RSU1: variants seen among roughly 807,000 people sequenced by gnomAD.
The protein encoded by RSU1 is Ras suppressor protein 1.
RSU1 carries 26 observed loss-of-function variants against 31.1 expected under a neutral mutation model. The ratio of observed to expected loss-of-function variants is 0.84; its 90% confidence interval spans 0.61 to 1.16. The LOEUF (loss-of-function observed/expected upper bound fraction) is 1.16. Among genes scored for constraint, RSU1 ranks in the 50% most tolerant of loss-of-function variants. The pLI, the probability that RSU1 is intolerant of heterozygous loss-of-function variation, is 0.00. For synonymous variants in RSU1, 164 were observed against 136.3 expected (o/e 1.20, Z -1.41); for missense variants, 320 against 339.1 (o/e 0.94, Z 0.44).
At chr10:16,773,875 T>C (rs930553474) in intron 3 of RSU1, among the ~76,000 whole-genome samples, 2 of 149,872 alleles carry the variant, frequency 1.3e-5, no homozygotes, top group African/African-American at 4.9e-5. Context: ...GGTAGGAACA[T>C]CAGTTTTTTT....
chr10:16,808,623 G>A (rs556258263), intron 2 of RSU1, among the ~76,000 whole-genome samples: 1 of 152,152 alleles, frequency 6.6e-6, no homozygotes, highest in South Asian at 2.1e-4. Flanking sequence ...AAAGAGGGAT[G>A]TTATGAGTGT....
intron 8 of RSU1, among the ~76,000 whole-genome samples, chr10:16,594,704 G>A (rs1488554036): frequency 7.0e-6 from 1 of 143,534 alleles, no homozygotes; most frequent in African/African-American, 2.6e-5. Context: ...ATGTATCATA[G>A]ATAATATATG....
At chr10:16,779,454 C>G (rs765674123) in intron 3 of RSU1, among the ~76,000 whole-genome samples, 23 of 152,132 alleles carry the variant, frequency 1.5e-4, no homozygotes, top group Non-Finnish European at 2.9e-4. Context: ...TTCAATAACC[C>G]TGTAGATCTT....
At chr10:16,804,258 C>T (rs751608062) in intron 2 of RSU1, among the ~76,000 whole-genome samples, 10 of 152,106 alleles carry the variant, frequency 6.6e-5, no homozygotes, top group African/African-American at 2.4e-4. Context: ...CAAATGGAAA[C>T]AATGAGATAC....
chr10:16,727,395 C>G (rs1339112620), intron 7 of RSU1, among the ~76,000 whole-genome samples: 1 of 151,978 alleles, frequency 6.6e-6, no homozygotes, highest in African/African-American at 2.4e-5. Flanking sequence ...CAGTGAAGGC[C>G]AATTAAAGTT....
intron 3 of RSU1, among the ~76,000 whole-genome samples, chr10:16,779,856 A>T (rs958105057): frequency 6.6e-6 from 1 of 152,232 alleles, no homozygotes; most frequent in African/African-American, 2.4e-5. Context: ...CCAGAAAAAT[A>T]GTAAAGGATG....
chr10:16,741,156 A>G (rs888601538), intron 7 of RSU1, among the ~76,000 whole-genome samples: 1 of 152,228 alleles, frequency 6.6e-6, no homozygotes, highest in Non-Finnish European at 1.5e-5. Context: ...AAATAAAACT[A>G]TATATCTGCT....
rs537607667 is a variant in RSU1 at position 16,746,375 on chromosome 10, C to T, written c.598+6164G>A. Among the ~76,000 whole-genome samples the T allele has an allele frequency of 1.8e-4, 27 of 152,222 alleles. 1 individual carries two copies. Among genetic ancestry groups the T allele is most frequent in the African/African-American group, 3.1e-4 (13 of 41,538 alleles). ...TATAGCACTTTGTTTTGTTGCATGC[C>T]GAGCAGACCAATGTGATTTTTTTTC... On this transcript the variant is annotated intron_variant, in intron 7 of 8. Transcript: ENST00000345264.
At chr10:16,691,430 T>C (rs1044811729) in intron 8 of RSU1, among the ~76,000 whole-genome samples, 7 of 150,854 alleles carry the variant, frequency 4.6e-5, no homozygotes, top group Non-Finnish European at 1.0e-4. Flanking sequence ...TCTTATCAGC[T>C]AACAGTCCAT....
intron 8 of RSU1, among the ~76,000 whole-genome samples, chr10:16,648,132 A>AT (rs1554763091): frequency 6.3e-4 from 84 of 133,526 alleles, no homozygotes; most frequent in East Asian, 4.0e-3. Flanking sequence ...AAAAAAAAAA[A>AT]TTTTTTTTTT....
intron 7 of RSU1, among the ~76,000 whole-genome samples, chr10:16,725,708 G>C (rs1213839474): frequency 1.3e-5 from 2 of 151,224 alleles, no homozygotes; most frequent in South Asian, 2.1e-4. Flanking sequence ...CCAGAAAACT[G>C]AATCTGTCCG....
chr10:16,779,714 C>T (rs930121239), intron 3 of RSU1, among the ~76,000 whole-genome samples: 1 of 152,172 alleles, frequency 6.6e-6, no homozygotes, highest in Non-Finnish European at 1.5e-5. Context: ...AAGTGAAAGA[C>T]ACTGATTACC....
chr10:16,690,370 C>A (rs898373633), intron 8 of RSU1, among the ~76,000 whole-genome samples: 1 of 152,128 alleles, frequency 6.6e-6, no homozygotes, highest in Non-Finnish European at 1.5e-5. Context: ...GTGACATCAG[C>A]CAACAAGTTC....
At chr10:16,683,177 G>GTGTGTGTGTGTGTGTGTGTT (rs1835368510) in intron 8 of RSU1, among the ~76,000 whole-genome samples, 1 of 151,878 alleles carries the variant, frequency 6.6e-6, no homozygotes, top group Non-Finnish European at 1.5e-5. Context: ...GTGTGTGTGT[G>GTGTGTGTGTGTGTGTGTGTT]TGTGTGTTGT....
At chr10:16,717,832 A>G (rs73604895) in intron 7 of RSU1, among the ~76,000 whole-genome samples, 4,350 of 152,228 alleles carry the variant, frequency 0.029, 151 homozygotes, top group East Asian at 0.084. Context: ...TACCAGTCCT[A>G]ACACAAAAAA....
At chr10:16,809,433 A>C (rs921743) in intron 2 of RSU1, among the ~76,000 whole-genome samples, 23,059 of 152,172 alleles carry the variant, frequency 0.15, 2,232 homozygotes, top group East Asian at 0.31. Flanking sequence ...AGAACTGTAG[A>C]GGCAGCAAAG....
intron 7 of RSU1, among the ~76,000 whole-genome samples, chr10:16,742,478 T>C (rs1836773235): frequency 6.7e-6 from 1 of 149,034 alleles, no homozygotes; most frequent in East Asian, 1.9e-4. Flanking sequence ...ATAACCTTGC[T>C]TTTTTTTTCT....
chr10:16,652,752 G>C (rs200155020), intron 8 of RSU1, among the ~76,000 whole-genome samples: 7 of 151,962 alleles, frequency 4.6e-5, no homozygotes, highest in Non-Finnish European at 1.0e-4. Flanking sequence ...GTGTGATCAC[G>C]GCTCACTGCA....
At chr10:16,721,948 A>G (rs576791150) in intron 7 of RSU1, among the ~76,000 whole-genome samples, 12 of 152,242 alleles carry the variant, frequency 7.9e-5, no homozygotes, top group African/African-American at 2.9e-4. Context: ...TACAAGAGAA[A>G]TTTTTATTAT....
Sources: allele counts gnomAD v4.1 joint callset (sites outside exome capture counted in the v4.1 genomes callset), GRCh38; gene constraint gnomAD v4.1.1; transcripts MANE v1.5; gene names NCBI Gene and HGNC (gene_info 2026-07-23, HGNC 2026-07-21).